IGSF3: variants seen among roughly 807,000 people sequenced by gnomAD.
IGSF3 encodes the protein immunoglobulin superfamily member 3.
In IGSF3, 23 loss-of-function variants were observed where a neutral mutation model predicts 114.4. The ratio of observed to expected loss-of-function variants is 0.20; its 90% CI spans 0.14 to 0.28. The LOEUF (loss-of-function observed/expected upper bound fraction) is 0.28. Ranked by LOEUF, IGSF3 falls within the 10% of genes least tolerant of loss-of-function variation. The pLI, the probability that IGSF3 is intolerant of heterozygous loss-of-function variation, is 1.00. For missense variants in IGSF3, 1,172 were observed against 1,591.5 expected, an observed-to-expected ratio of 0.74 and a Z score of 4.48; for synonymous variants, 571 against 645.2, an observed-to-expected ratio of 0.88 and a Z score of 1.74.
chr1:116,588,864 T>C lies in IGSF3; in HGVS notation c.2270A>G (p.Glu757Gly), dbSNP rs780374358. The C allele has an allele frequency of 3.7e-6, 6 of 1,614,180 alleles. No homozygotes were observed. In the African/African-American group the frequency reaches 6.7e-5, roughly 18 times the overall value. The change falls in exon 8 of 11, where the codon GAG becomes GGG. Residue 757 changes from glutamate to glycine, a missense_variant. Glu to Gly is a moderately conservative substitution (Grantham distance 98, BLOSUM62 -2). Transcript: ENST00000369486. This position sits in a 1 kb window ranked among gnomAD's most constrained non-coding sequence, Gnocchi z 4.9. ...EEGLRARLQF[E>G]RHVSGGLFSL... is the part of the protein sequence containing the mutation. ...GAACAGGCCCCCCGACACATGCCTC[T>C]CAAACTGGAGCCTGGCTCTCAGGCC...
At chr1:116,609,392 T>C (rs1660925699) in intron 4 of IGSF3, among the ~76,000 whole-genome samples, 1 of 151,972 alleles carries the variant, frequency 6.6e-6, no homozygotes, top group South Asian at 2.1e-4. Context: ...CATATCCAGC[T>C]AATTTTTGTT....
Position 116,629,964 on chromosome 1 carries a change from C to T in IGSF3, c.44-13507G>A, listed in dbSNP as rs1280033315. ...ATCCTTTCAGGGTACAAGGAAGGCA[C>T]CTGAATGACAGATGGTTTGAGGAAT... On this transcript the variant is annotated intron_variant, in intron 2 of 10. Transcript: ENST00000369486. This position sits in a 1 kb window ranked among gnomAD's most constrained non-coding sequence, Gnocchi z 4.3. 1.3e-5 allele frequency among the ~76,000 whole-genome samples: 2 copies of T among 152,120 alleles called. No individual in the cohort carries two copies. Among genetic ancestry groups the T allele is most frequent in the African/African-American group, 4.8e-5 (2 of 41,416 alleles).
intron 2 of IGSF3, 29 bp downstream of exon 2, chr1:116,666,255 C>T: frequency 1.2e-6 from 2 of 1,606,710 alleles, no homozygotes; most frequent in Non-Finnish European, 8.5e-7. Context: ...ACTTTCACAT[C>T]GATTGCACTG....
chr1:116,586,186 C>T (rs1232088108), intron 8 of IGSF3, among the ~76,000 whole-genome samples: 1 of 152,096 alleles, frequency 6.6e-6, no homozygotes, highest in Non-Finnish European at 1.5e-5. Context: ...TCAATACTGC[C>T]TGAATGTTTT....
intron 2 of IGSF3, among the ~76,000 whole-genome samples, chr1:116,663,714 T>C (rs1981183): frequency 0.23 from 34,401 of 151,908 alleles, 4,179 homozygotes; most frequent in East Asian, 0.43. Context: ...AGGTCTGTCA[T>C]GTTGAGGGAG....
rs1661139802 is a variant in IGSF3 at position 116,614,375 on chromosome 1, T to A, written c.422-200A>T. Among the ~76,000 whole-genome samples, 1 of 152,252 alleles carries A rather than the reference T, an allele frequency of 6.6e-6. No homozygotes were observed. The highest frequency in any genetic ancestry group is 6.5e-5 in the Admixed American group (1 of 15,284). ...GTTTGGATTTGGAAATGCATTATTT[T>A]GGTGCTTACACTTACCTGTCTGGTA... On this transcript the variant is annotated intron_variant, in intron 3 of 10. Transcript: ENST00000369486. This position sits in a 1 kb window ranked among gnomAD's most constrained non-coding sequence, Gnocchi z 4.5.
chr1:116,609,960 A>C (rs566920147), intron 4 of IGSF3, among the ~76,000 whole-genome samples: 11 of 152,168 alleles, frequency 7.2e-5, no homozygotes, highest in Admixed American at 3.9e-4. Flanking sequence ...CCAGTGACCT[A>C]ACTACTTCCT....
chr1:116,653,602 C>T (rs1648726266), intron 2 of IGSF3, among the ~76,000 whole-genome samples: 1 of 152,228 alleles, frequency 6.6e-6, no homozygotes, highest in Non-Finnish European at 1.5e-5. Context: ...GTCTCTTTCT[C>T]ATCTCCTGTT....
intron 2 of IGSF3, among the ~76,000 whole-genome samples, chr1:116,643,619 T>C (rs1341551888): frequency 6.6e-6 from 1 of 152,226 alleles, no homozygotes; most frequent in Non-Finnish European, 1.5e-5. Context: ...GCACAGCGAC[T>C]GACAAGGATG....
chr1:116,619,643 T>C (rs4044817), intron 2 of IGSF3, among the ~76,000 whole-genome samples: 1 of 152,160 alleles, frequency 6.6e-6, no homozygotes, highest in Non-Finnish European at 1.5e-5. Context: ...AGTAATACCC[T>C]GCTGTGCAGA....
At chr1:116,601,160 C>T (rs1660565018) in intron 6 of IGSF3, among the ~76,000 whole-genome samples, 2 of 152,090 alleles carry the variant, frequency 1.3e-5, no homozygotes, top group Non-Finnish European at 2.9e-5. Flanking sequence ...CCACTGAATC[C>T]CCAAAACAAC....
intron 2 of IGSF3, among the ~76,000 whole-genome samples, chr1:116,639,207 G>A (rs1162877145): frequency 6.6e-6 from 1 of 152,288 alleles, no homozygotes; most frequent in South Asian, 2.1e-4. Context: ...AGGTGAGCTC[G>A]CCAATAGGGC....
rs1300411987 is a variant in IGSF3 at position 116,632,259 on chromosome 1, C to T, written c.44-15802G>A. Among the ~76,000 whole-genome samples, 2 of 152,182 alleles carry T rather than the reference C, an allele frequency of 1.3e-5. No individual in the cohort carries two copies. The highest frequency in any genetic ancestry group is 2.9e-5 in the Non-Finnish European group (2 of 68,038). ...GCATGGTAATCGAAACCAGAAAATG[C>T]TGACCATCCCCCAAAACCTCCCACC... On this transcript the variant is annotated intron_variant, in intron 2 of 10. Coordinates refer to ENST00000369486, the MANE Select transcript of IGSF3 (RefSeq NM_001007237.3). This position sits in a 1 kb window ranked among gnomAD's most constrained non-coding sequence, Gnocchi z 5.1.
In IGSF3 at chr1:116,642,182, C is replaced by T. The variant is rs1375377414; in HGVS notation, c.43+24102G>A. On this transcript the variant is annotated intron_variant, in intron 2 of 10. Coordinates refer to ENST00000369486, the MANE Select transcript of IGSF3 (RefSeq NM_001007237.3). The surrounding 1 kb of genome is among the most constrained non-coding windows in gnomAD (Gnocchi z 5.4). Reference sequence around the variant, plus strand: ...TATAGAACATTTCATTTTTTTCCCACACACCTCGCATCTGATTTTTGATTT... The same window carrying T: ...TATAGAACATTTCATTTTTTTCCCATACACCTCGCATCTGATTTTTGATTT... Among the ~76,000 whole-genome samples the T allele has an allele frequency of 5.3e-5, 8 of 152,100 alleles. No homozygotes were observed. The highest frequency in any genetic ancestry group is 3.4e-3 in the Middle Eastern group (1 of 294).
At chr1:116,591,435 C>G (rs1387605146) in intron 7 of IGSF3, among the ~76,000 whole-genome samples, 1 of 152,152 alleles carries the variant, frequency 6.6e-6, no homozygotes, top group African/African-American at 2.4e-5. Context: ...ACTAAGGAAA[C>G]CTCAATTGCT....
chr1:116,579,395 T>C lies in IGSF3; in HGVS notation c.3331A>G (p.Thr1111Ala). The C allele has an allele frequency of 6.4e-7, 1 of 1,557,628 alleles. No homozygotes were observed. The highest frequency in any genetic ancestry group is 8.7e-7 in the Non-Finnish European group (1 of 1,151,246). The change falls in exon 10 of 11, where the codon ACA becomes GCA. Residue 1111 changes from threonine (T) to alanine (A), a missense_variant. Thr to Ala is a moderately conservative substitution (Grantham distance 58). This residue lies in a region of IGSF3 where 423 missense variants were observed against 509.8 expected (regional missense o/e 0.83). Coordinates refer to ENST00000369486, the MANE Select transcript of IGSF3 (RefSeq NM_001007237.3). The surrounding 1 kb of genome is among the most constrained non-coding windows in gnomAD (Gnocchi z 6.4). Reference sequence around the variant, plus strand: ...CCTCTGTACTTGGGAAACTCACTTGTATCTAGAACACGGATGCCGATGGGG... The same window carrying C: ...CCTCTGTACTTGGGAAACTCACTTGCATCTAGAACACGGATGCCGATGGGG... ...SAPIGIRVLD[T>A]SPTLQSIICS... is the part of the protein sequence containing the mutation.
At position 116,614,133 on chromosome 1, in the gene IGSF3, A is replaced by T. The variant is rs1288839496; in HGVS notation, c.464T>A (p.Leu155Gln). The T allele has an allele frequency of 6.2e-7, 1 of 1,613,686 alleles. No homozygotes were observed. The part of the protein sequence containing the change: ...SLQTTAMPQT[L>Q]HRVEQDPLEL... ...CAGCGGGTCCTGCTCCACTCTGTGC[A>T]GAGTCTGGGGCATGGCAGTGGTCTG... The change falls in exon 4 of 11, where the codon CTG becomes CAG. Residue 155 changes from leucine to glutamine, a missense_variant. Around this residue, in one of 3 missense-constraint regions of IGSF3, gnomAD observed 736 missense variants for 1,042.0 expected, o/e 0.71. Transcript: ENST00000369486. The surrounding 1 kb of genome is among the most constrained non-coding windows in gnomAD (Gnocchi z 4.5).
rs747141708 is a variant in IGSF3 at position 116,616,259 on chromosome 1, T to C, written c.242A>G (p.Tyr81Cys). The change falls in exon 3 of 11, where the codon TAT becomes TGT. Residue 81 changes from tyrosine (Y) to cysteine (C), a missense_variant. Around this residue, in one of 3 missense-constraint regions of IGSF3, gnomAD observed 736 missense variants for 1,042.0 expected, o/e 0.71. Coordinates refer to ENST00000369486, the MANE Select transcript of IGSF3 (RefSeq NM_001007237.3). This position sits in a 1 kb window ranked among gnomAD's most constrained non-coding sequence, Gnocchi z 6.6. ...IVSTMDSSFP[Y>C]AIYTQRVRGG... ...GCGGACGCGCTGGGTGTAGATGGCA[T>C]AGGGGAAGGAAGAGTCCATGGTGCT... 1 of 1,611,478 alleles carries C rather than the reference T, an allele frequency of 6.2e-7. No individual in the cohort carries two copies. Among genetic ancestry groups the C allele is most frequent in the Non-Finnish European group, 8.5e-7 (1 of 1,179,086 alleles).
chr1:116,579,453 C>T lies in IGSF3; in HGVS notation c.3273G>A (p.Lys1091=), dbSNP rs1659494636. ...CCTCCTCCGTCAGCCGGTACCATTCCTTCTGAGGGCTGGGCAGCCACTCCT... is the reference window on the plus strand; with the variant it reads ...CCTCCTCCGTCAGCCGGTACCATTCTTTCTGAGGGCTGGGCAGCCACTCCT... ...HVEEWLPSPQ[K]EWYRLTEEES... Residue 1091 remains lysine, a synonymous_variant, in exon 10 of 11, where the codon AAG becomes AAA. Transcript: ENST00000369486. The surrounding 1 kb of genome is among the most constrained non-coding windows in gnomAD (Gnocchi z 6.4). The T allele has an allele frequency of 1.2e-6, 2 of 1,612,492 alleles. No individual in the cohort carries two copies. Among genetic ancestry groups the T allele is most frequent in the Non-Finnish European group, 1.7e-6 (2 of 1,179,210 alleles).
Sources: allele counts gnomAD v4.1 joint callset (sites outside exome capture counted in the v4.1 genomes callset), GRCh38; gene constraint gnomAD v4.1.1; regional missense constraint gnomAD v4.1.1; non-coding constraint Gnocchi (gnomAD v3.1); transcripts MANE v1.5; gene names NCBI Gene and HGNC (gene_info 2026-07-23, HGNC 2026-07-21).